EYS: variants seen among roughly 807,000 people sequenced by gnomAD.
EYS encodes protein eyes shut homolog.
In EYS, 250 loss-of-function variants were observed where a neutral mutation model predicts 282.1. The ratio of observed to expected loss-of-function variants is 0.89; its 90% CI spans 0.80 to 0.98. The LOEUF is 0.98. Ranked by LOEUF, EYS falls within the 50% of genes least tolerant of loss-of-function variation. EYS has a pLI of 0.00. For missense variants in EYS, 4,016 were observed against 3,709.0 expected (o/e 1.08, Z -2.15); for synonymous variants, 1,355 against 1,282.9 (o/e 1.06, Z -1.20).
chr6:63,795,947 C>T (rs1770634989), intron 37 of EYS, among the ~76,000 whole-genome samples: 1 of 152,118 alleles, frequency 6.6e-6, no homozygotes, highest in African/African-American at 2.4e-5. Flanking sequence ...AGAAAAAAAA[C>T]ATGCCCATGA....
intron 12 of EYS, among the ~76,000 whole-genome samples, chr6:65,267,042 A>G (rs1767776718): frequency 6.6e-6 from 1 of 150,938 alleles, no homozygotes; most frequent in South Asian, 2.1e-4. Flanking sequence ...ATTAAGCCCT[A>G]TTTTTGGTTC....
chr6:65,338,637 C>G (rs1336443853), intron 10 of EYS, among the ~76,000 whole-genome samples: 2 of 150,726 alleles, frequency 1.3e-5, no homozygotes, highest in Non-Finnish European at 3.0e-5. Flanking sequence ...AAAATACACA[C>G]AAATTAAATT....
intron 30 of EYS, among the ~76,000 whole-genome samples, chr6:64,306,035 GAAAC>G (rs1308566836): frequency 3.3e-5 from 5 of 151,984 alleles, no homozygotes; most frequent in East Asian, 1.9e-4. Flanking sequence ...AAACAACAAA[GAAAC>G]AATCCAATTC....
chr6:65,341,838 C>T (rs1408579325), intron 10 of EYS, among the ~76,000 whole-genome samples: 1 of 151,042 alleles, frequency 6.6e-6, no homozygotes, highest in Non-Finnish European at 1.5e-5. Context: ...TTCTCCTTTT[C>T]TGTTTTGCTT....
At chr6:65,647,211 C>T (rs1473667299) in intron 1 of EYS, among the ~76,000 whole-genome samples, 1 of 151,968 alleles carries the variant, frequency 6.6e-6, no homozygotes, top group African/African-American at 2.4e-5. Flanking sequence ...TAGCTAAAGC[C>T]AGACTAAGCA....
At chr6:63,992,386 C>T (rs1456228383) in intron 34 of EYS, among the ~76,000 whole-genome samples, 1 of 151,380 alleles carries the variant, frequency 6.6e-6, no homozygotes. Context: ...ATATTGCATG[C>T]TAACTTTAGG....
chr6:65,565,244 CAAAA>C (rs765596305), intron 2 of EYS, among the ~76,000 whole-genome samples: 1 of 1,618 alleles, frequency 6.2e-4, no homozygotes, highest in Non-Finnish European at 7.8e-4. Flanking sequence ...GACTCCGTCT[CAAAA>C]AAAAAAAAAA....
intron 24 of EYS, among the ~76,000 whole-genome samples, chr6:64,594,571 C>T (rs1269785650): frequency 2.0e-5 from 3 of 151,690 alleles, no homozygotes; most frequent in Non-Finnish European, 4.4e-5. Context: ...AACCATCATT[C>T]TCAGCAAACT....
rs140928736 is a variant in EYS at position 64,702,385 on chromosome 6, A to G, written c.3444-76140T>C. Among the ~76,000 whole-genome samples the G allele has an allele frequency of 4.1e-3, 627 of 152,250 alleles. 6 individuals are homozygous for G. The highest frequency in any genetic ancestry group is 0.014 in the African/African-American group (587 of 41,588). ...AGACAAAGAAGACATGCACACATGC[A>G]CAAACACATATAACTATGTAAAATA... On this transcript the variant is annotated intron_variant, in intron 22 of 42. Coordinates refer to ENST00000503581, the MANE Select transcript of EYS (RefSeq NM_001142800.2).
intron 22 of EYS, among the ~76,000 whole-genome samples, chr6:64,642,193 C>T (rs1324529410): frequency 6.6e-6 from 1 of 152,156 alleles, no homozygotes; most frequent in Non-Finnish European, 1.5e-5. Context: ...GTCCATTAGT[C>T]AGTTTGTTGT....
At chr6:65,101,350 C>A (rs1333417392) in intron 12 of EYS, among the ~76,000 whole-genome samples, 1 of 151,070 alleles carries the variant, frequency 6.6e-6, no homozygotes, top group Non-Finnish European at 1.5e-5. Flanking sequence ...GAATGCAAAG[C>A]AAATAGATGA....
intron 23 of EYS, among the ~76,000 whole-genome samples, chr6:64,620,283 G>A (rs1198498897): frequency 6.6e-6 from 1 of 152,116 alleles, no homozygotes; most frequent in African/African-American, 2.4e-5. Flanking sequence ...ATCCAAGGAA[G>A]GTTGACCACC....
intron 24 of EYS, among the ~76,000 whole-genome samples, chr6:64,604,945 C>T (rs1766875797): frequency 6.6e-6 from 1 of 151,972 alleles, no homozygotes. Flanking sequence ...GTCTCAAAAG[C>T]ACATTGACTA....
chr6:64,686,822 T>C lies in EYS; in HGVS notation c.3444-60577A>G, dbSNP rs1172371340. Among the ~76,000 whole-genome samples the C allele has an allele frequency of 6.8e-3, 310 of 45,484 alleles. 88 individuals are homozygous for C. Among genetic ancestry groups the C allele is most frequent in the Non-Finnish European group, 0.014 (257 of 18,496 alleles). 29.8% of individuals were successfully genotyped at this position (45,484 alleles called of 152,430 possible). ...ATATATATGTGTGTATATATATATGTGTATATATATATATACGTGTATATA... is the reference window on the plus strand; with the variant it reads ...ATATATATGTGTGTATATATATATGCGTATATATATATATACGTGTATATA... On this transcript the variant is annotated intron_variant, in intron 22 of 42. Transcript: ENST00000503581.
At chr6:65,007,907 A>G in intron 13 of EYS, among the ~76,000 whole-genome samples, 1 of 152,182 alleles carries the variant, frequency 6.6e-6, no homozygotes, top group Non-Finnish European at 1.5e-5. Flanking sequence ...ACATGGAGAG[A>G]TATAATGTTA....
intron 22 of EYS, among the ~76,000 whole-genome samples, chr6:64,695,045 C>G (rs1291606491): frequency 1.3e-5 from 2 of 152,040 alleles, no homozygotes; most frequent in East Asian, 3.9e-4. Context: ...CTGTGCTCTT[C>G]TATGGAACAT....
intron 22 of EYS, among the ~76,000 whole-genome samples, chr6:64,706,092 A>C (rs927414921): frequency 4.6e-5 from 7 of 152,176 alleles, no homozygotes; most frequent in African/African-American, 1.4e-4. Flanking sequence ...CATAGTCACC[A>C]AAACGGCATG....
chr6:65,027,190 T>C (rs1772447589), intron 13 of EYS, among the ~76,000 whole-genome samples: 2 of 152,124 alleles, frequency 1.3e-5, no homozygotes, highest in South Asian at 2.1e-4. Flanking sequence ...TATTTTAGCT[T>C]TTACCTTAAT....
rs566741837 is a variant in EYS at position 64,330,190 on chromosome 6, T to C, written c.6079-23108A>G. Among the ~76,000 whole-genome samples the C allele has an allele frequency of 6.6e-5, 10 of 152,278 alleles. No individual in the cohort carries two copies. In the East Asian group the frequency reaches 1.7e-3, roughly 26 times the overall value. ...TGTGGGAGGCTGGCTATAAGGTGTC[T>C]AAGGAAAAGGCACAAATCTGTGGCC... On this transcript the variant is annotated intron_variant, in intron 29 of 42. Coordinates refer to ENST00000503581, the MANE Select transcript of EYS (RefSeq NM_001142800.2).
Sources: allele counts gnomAD v4.1 joint callset (sites outside exome capture counted in the v4.1 genomes callset), GRCh38; gene constraint gnomAD v4.1.1; transcripts MANE v1.5; gene names NCBI Gene and HGNC (gene_info 2026-07-23, HGNC 2026-07-21).